Variants in TJP3 observed in about 807,000 individuals in gnomAD.
The protein encoded by TJP3 is tight junction protein ZO-3.
Under a neutral mutation model 104.2 loss-of-function variants are expected in TJP3, and 85 were observed. The ratio of observed to expected loss-of-function variants is 0.82; its 90% confidence interval spans 0.68 to 0.98. The LOEUF (loss-of-function observed/expected upper bound fraction) is 0.98, where lower values mean the gene tolerates loss of function less well. Ranked by LOEUF, TJP3 falls within the 50% of genes least tolerant of loss-of-function variation. TJP3 has a pLI of 0.00. For missense variants in TJP3, 1,367 were observed against 1,322.8 expected (o/e 1.03, Z -0.52); for synonymous variants, 550 against 550.6 (o/e 1.00, Z 0.02).
intron 5 of TJP3, among the ~76,000 whole-genome samples, chr19:3,731,703 G>T (rs1190438541): frequency 6.6e-6 from 1 of 152,134 alleles, no homozygotes; most frequent in Non-Finnish European, 1.5e-5. Flanking sequence ...AATGCCCTTA[G>T]CCTGTGCATG....
intron 1 of TJP3, among the ~76,000 whole-genome samples, chr19:3,709,055 C>G (rs898188990): frequency 6.6e-6 from 1 of 152,170 alleles, no homozygotes; most frequent in African/African-American, 2.4e-5. Flanking sequence ...AACCCCTCAC[C>G]CTGTTCTCAC....
intron 1 of TJP3, among the ~76,000 whole-genome samples, chr19:3,713,866 C>G (rs1404227032): frequency 6.6e-6 from 1 of 150,870 alleles, no homozygotes; most frequent in South Asian, 2.1e-4. Flanking sequence ...CAGGCGCCCG[C>G]CAACATGCCC....
rs141972710 is a variant in TJP3, at chr19:3,740,699, G to C, written c.1779G>C (p.Glu593Asp). The C allele has an allele frequency of 1.2e-6, 2 of 1,606,414 alleles. No individual in the cohort carries two copies. The highest frequency in any genetic ancestry group is 2.7e-5 in the African/African-American group (2 of 74,508). The change falls in exon 14 of 21, where the codon GAG (glutamate) becomes GAC (aspartate). Residue 593 changes from glutamate to aspartate, a missense_variant. Glu to Asp is a conservative substitution (Grantham distance 45). Transcript: ENST00000541714. ...GAKKTTQRSR[E>D]DLSALTRQGR... The stretch of plus-strand genomic sequence containing the variant: ...AGAAGACCACTCAGCGGAGCCGTGA[G>C]GACCTCTCAGCTCTGACCCGACAGG...
chr19:3,730,515 C>G lies in TJP3; in HGVS notation c.422C>G (p.Ser141Cys). Residue 141 changes from serine to cysteine, a missense_variant, in exon 5 of 21, where the codon TCC (serine) becomes TGC (cysteine). Ser to Cys is a moderately radical substitution (Grantham distance 112, BLOSUM62 -1). Transcript: ENST00000541714. This position sits in a 1 kb window ranked among gnomAD's most constrained non-coding sequence, Gnocchi z 7.3. ...GACTCATCCAGTGGCTCCGGCCGCT[C>G]CTGGGACGAGCGCTCCCGCCGGCCG... ...DGDSSSGSGR[S>C]WDERSRRPRP... 2 of 1,592,262 alleles carry G rather than the reference C, an allele frequency of 1.3e-6. No homozygotes were observed. The highest frequency in any genetic ancestry group is 8.5e-7 in the Non-Finnish European group (1 of 1,171,416).
At chr19:3,720,969 G>T (rs1475281974) in intron 1 of TJP3, among the ~76,000 whole-genome samples, 2 of 145,654 alleles carry the variant, frequency 1.4e-5, no homozygotes, top group African/African-American at 5.2e-5. Flanking sequence ...GTGCAGTGGC[G>T]TGATATCAGC....
intron 1 of TJP3, among the ~76,000 whole-genome samples, chr19:3,724,941 G>A (rs1214069844): frequency 6.6e-6 from 1 of 152,066 alleles, no homozygotes; most frequent in Non-Finnish European, 1.5e-5. Context: ...TAAATAATCA[G>A]AAAGCCACTG....
intron 19 of TJP3, among the ~76,000 whole-genome samples, chr19:3,748,638 G>A (rs1454494542): frequency 7.0e-6 from 1 of 142,716 alleles, no homozygotes; most frequent in Admixed American, 7.4e-5. Flanking sequence ...GCGTGATCTC[G>A]GCTCACCACA....
intron 1 of TJP3, among the ~76,000 whole-genome samples, chr19:3,719,502 G>A (rs2036522131): frequency 6.6e-6 from 1 of 151,754 alleles, no homozygotes; most frequent in Non-Finnish European, 1.5e-5. Flanking sequence ...TTGGGTGGCC[G>A]AGGTGGGCTA....
chr19:3,728,360 AC>A (rs1352394049), intron 1 of TJP3, 63 bp from the exon 2 acceptor site: 1 of 1,612,954 alleles, frequency 6.2e-7, no homozygotes, highest in East Asian at 2.2e-5. Flanking sequence ...TGAGCTGGGG[AC>A]CCCCAAGTGC....
chr19:3,736,337 C>G lies in TJP3; in HGVS notation c.1284+16C>G, dbSNP rs780152514. On this transcript the variant is annotated intron_variant, in intron 11 of 20. Transcript: ENST00000541714. ...GATTCTGCAGGTGCTCCGGGGGCGGCTGGCCAGCCCCACTGATCATGGGCG... is the reference window on the plus strand; with the variant it reads ...GATTCTGCAGGTGCTCCGGGGGCGGGTGGCCAGCCCCACTGATCATGGGCG... 159 of 1,515,320 alleles carry G rather than the reference C, an allele frequency of 1.0e-4. 1 individual carries two copies. Among genetic ancestry groups the G allele is most frequent in the Non-Finnish European group, 1.2e-5 (14 of 1,133,454 alleles). 93.9% of individuals were successfully genotyped at this position (1,515,320 alleles called of 1,614,324 possible).
At position 3,747,958 on chromosome 19, in the gene TJP3, C is replaced by T. The variant is rs2036925338; in HGVS notation, c.2487C>T (p.Pro829=). 6.2e-7 allele frequency: 1 copy of T among 1,612,970 alleles called. No individual in the cohort carries two copies. The highest frequency in any genetic ancestry group is 1.7e-5 in the Admixed American group (1 of 60,008). ...GCTACACAGACGGCGAGGGGGGGCC[C>T]TACACGGATGTGGATGATGAGCCCC... ...GEGYTDGEGG[P]YTDVDDEPPA... is the part of the protein sequence containing the mutation. Residue 829 remains proline, a synonymous_variant, in exon 19 of 21, where the codon CCC becomes CCT. Transcript: ENST00000541714.
chr19:3,746,348 C>T lies in TJP3; in HGVS notation c.2011-137C>T. On this transcript the variant is annotated intron_variant, in intron 16 of 20. Transcript: ENST00000541714. This position sits in a 1 kb window ranked among gnomAD's most constrained non-coding sequence, Gnocchi z 4.1. ...GCTGCGACCTGGGCTGTTACCACCC[C>T]CATCCCCAACTTGCTAGCCTGTGGA... 2.1e-6 allele frequency: 2 copies of T among 966,904 alleles called. No individual in the cohort carries two copies. Among genetic ancestry groups the T allele is most frequent in the Admixed American group, 2.5e-5 (1 of 39,496 alleles). The allele number at this position is 966,904 out of a possible 1,614,324, so 59.9% of individuals were successfully genotyped here. A position where few individuals can be genotyped will look rare whatever the true frequency, so the allele number is the denominator to read the frequency against.
At chr19:3,721,132 C>T (rs1009350201) in intron 1 of TJP3, among the ~76,000 whole-genome samples, 2 of 152,114 alleles carry the variant, frequency 1.3e-5, no homozygotes, top group African/African-American at 2.4e-5. Context: ...GAACTGCTGA[C>T]CTCGTGATCC....
rs765808878 is a variant in TJP3 at position 3,730,143 on chromosome 19, C to A, written c.261+13C>A. Reference sequence around the variant, plus strand: ...GATGGCCAACATCGTGAGTAGGCAGCCCCTGGCATGGCCAGCATCTCTGAC... The same window carrying A: ...GATGGCCAACATCGTGAGTAGGCAGACCCTGGCATGGCCAGCATCTCTGAC... On this transcript the variant is annotated intron_variant, in intron 4 of 20. Transcript: ENST00000541714. The surrounding 1 kb of genome is among the most constrained non-coding windows in gnomAD (Gnocchi z 7.3). The A allele has an allele frequency of 8.1e-6, 13 of 1,612,248 alleles. No homozygotes were observed. Among genetic ancestry groups the A allele is most frequent in the Non-Finnish European group, 1.1e-5 (13 of 1,178,484 alleles).
chr19:3,719,780 C>T (rs1461754740), intron 1 of TJP3, among the ~76,000 whole-genome samples: 1 of 150,952 alleles, frequency 6.6e-6, no homozygotes, highest in Non-Finnish European at 1.5e-5. Context: ...AACCTTCATG[C>T]GATGTGAGAA....
intron 11 of TJP3, 80 bp from the exon 12 acceptor site, chr19:3,738,475 G>T: frequency 3.1e-6 from 4 of 1,281,142 alleles, no homozygotes; most frequent in Non-Finnish European, 4.4e-6. Context: ...GCTGAGTTTT[G>T]CCCAGAGGAA....
intron 14 of TJP3, among the ~76,000 whole-genome samples, chr19:3,743,137 G>A (rs536752145): frequency 2.0e-5 from 3 of 152,072 alleles, no homozygotes; most frequent in Admixed American, 6.5e-5. Context: ...GGTGGCGCAC[G>A]CCTGTAATCC....
intron 1 of TJP3, among the ~76,000 whole-genome samples, chr19:3,723,342 T>G (rs2036563085): frequency 6.6e-6 from 1 of 152,120 alleles, no homozygotes; most frequent in Admixed American, 6.6e-5. Flanking sequence ...GTACCAGCAC[T>G]CAAGGCCTGG....
chr19:3,728,504 G>A, intron 2 of TJP3, 24 bp downstream of exon 2: 1 of 1,605,844 alleles, frequency 6.2e-7, no homozygotes. Context: ...CTCCCTGTCT[G>A]GGTGCCAGAG....
Sources: allele counts gnomAD v4.1 joint callset (sites outside exome capture counted in the v4.1 genomes callset), GRCh38; gene constraint gnomAD v4.1.1; non-coding constraint Gnocchi (gnomAD v3.1); transcripts MANE v1.5; gene names NCBI Gene and HGNC (gene_info 2026-07-23, HGNC 2026-07-21).